The following OR9Q1 variants were observed in gnomAD, a reference collection of about 807,000 sequenced individuals.
OR9Q1 encodes olfactory receptor family 9 subfamily Q member 1.
For synonymous variants in OR9Q1, 153 were observed against 148.6 expected (o/e 1.03, Z -0.22); for missense variants, 374 against 378.8 (o/e 0.99, Z 0.11).
intron 2 of OR9Q1, among the ~76,000 whole-genome samples, chr11:58,082,760 ATAATAATAAT>A (rs1186114071): frequency 1.5e-5 from 2 of 130,790 alleles, no homozygotes; most frequent in Admixed American, 7.5e-5. Flanking sequence ...AATAATAATA[ATAATAATAAT>A]AAAAAGTTAG....
chr11:58,038,786 T>C (rs1199128686), intron 1 of OR9Q1, among the ~76,000 whole-genome samples: 1 of 152,220 alleles, frequency 6.6e-6, no homozygotes, highest in East Asian at 1.9e-4. Context: ...ATGTTTTTCT[T>C]GTCCCTTGTA....
intron 2 of OR9Q1, among the ~76,000 whole-genome samples, chr11:58,148,301 G>A (rs1590615860): frequency 6.6e-6 from 1 of 151,306 alleles, no homozygotes. Context: ...GCCTTTGGCA[G>A]AAGTGTGTAT....
At chr11:58,032,470 G>A (rs567412062) in intron 1 of OR9Q1, among the ~76,000 whole-genome samples, 26 of 152,242 alleles carry the variant, frequency 1.7e-4, no homozygotes, top group African/African-American at 6.3e-4. Flanking sequence ...ACTGTACATT[G>A]CTACCAACTG....
At chr11:58,082,741 TATAATAATA>T (rs200062407) in intron 2 of OR9Q1, among the ~76,000 whole-genome samples, 27 of 125,498 alleles carry the variant, frequency 2.2e-4, no homozygotes, top group Non-Finnish European at 3.2e-4. Context: ...AAACTTAAAG[TATAATAATA>T]ATAATAATAA....
chr11:58,106,579 A>G (rs1246398420), intron 2 of OR9Q1, among the ~76,000 whole-genome samples: 2 of 152,106 alleles, frequency 1.3e-5, no homozygotes, highest in Admixed American at 6.6e-5. Context: ...GGCAAGACCA[A>G]TGTCATGAAG....
chr11:58,120,028 G>A (rs116192459), intron 2 of OR9Q1, among the ~76,000 whole-genome samples: 473 of 152,060 alleles, frequency 3.1e-3, no homozygotes, highest in African/African-American at 5.8e-3. Context: ...TATATTTTCC[G>A]TCTTACTATA....
rs761713656 is a variant in OR9Q1, at chr11:58,180,371, G to T, written c.927G>T (p.Leu309Phe). Residue 309 changes from leucine (L) to phenylalanine (F), a missense_variant, in exon 3 of 3, where the codon TTG becomes TTT. Physicochemically the swap from Leu to Phe is conservative, Grantham distance 22. Transcript: ENST00000335397. The stretch of plus-strand genomic sequence containing the variant: ...GAAAAATTCTCAATAGAGCCAAGTT[G>T]TCCTAACCATCTCCAAACTTGGAAA... ...ALRKILNRAK[L>F]S is the part of the protein sequence containing the mutation. 2.6e-6 allele frequency: 4 copies of T among 1,563,868 alleles called. No individual in the cohort carries two copies. Among genetic ancestry groups the T allele is most frequent in the Non-Finnish European group, 3.5e-6 (4 of 1,153,016 alleles).
chr11:58,164,845 C>G (rs977516662), intron 2 of OR9Q1, among the ~76,000 whole-genome samples: 1 of 152,114 alleles, frequency 6.6e-6, no homozygotes, highest in African/African-American at 2.4e-5. Flanking sequence ...TTGAACACAC[C>G]AGGCATGGTC....
At chr11:58,092,158 T>C (rs1340634643) in intron 2 of OR9Q1, among the ~76,000 whole-genome samples, 1 of 152,112 alleles carries the variant, frequency 6.6e-6, no homozygotes, top group Non-Finnish European at 1.5e-5. Flanking sequence ...AAGGTTAATA[T>C]TGTTATGTGT....
chr11:58,104,165 G>T (rs542584980), intron 2 of OR9Q1, among the ~76,000 whole-genome samples: 46 of 152,134 alleles, frequency 3.0e-4, no homozygotes, highest in African/African-American at 1.1e-3. Flanking sequence ...TTTACTATCT[G>T]AAGCCAAAAA....
chr11:58,056,913 G>C (rs146654909), intron 2 of OR9Q1, among the ~76,000 whole-genome samples: 3 of 151,658 alleles, frequency 2.0e-5, no homozygotes, highest in Non-Finnish European at 2.9e-5. Flanking sequence ...GAACTCTAAG[G>C]CTCCAAGAAG....
At chr11:58,073,659 A>G (rs945604348) in intron 2 of OR9Q1, 1 of 152,198 alleles carries the variant, frequency 6.6e-6, no homozygotes, top group African/African-American at 2.4e-5. Flanking sequence ...TTATACTTTA[A>G]GTTCTGGGAT....
intron 2 of OR9Q1, among the ~76,000 whole-genome samples, chr11:58,169,299 G>A (rs1255626823): frequency 6.6e-6 from 1 of 151,886 alleles, no homozygotes; most frequent in Non-Finnish European, 1.5e-5. Flanking sequence ...TTAGAATCTT[G>A]GTGAGCTCTT....
intron 1 of OR9Q1, among the ~76,000 whole-genome samples, chr11:58,043,001 C>G (rs1229670178): frequency 6.6e-6 from 1 of 152,086 alleles, no homozygotes. Flanking sequence ...GATTTTATAT[C>G]CTGAGACTTT....
At chr11:58,120,421 A>G (rs61902766) in intron 2 of OR9Q1, among the ~76,000 whole-genome samples, 26,215 of 152,026 alleles carry the variant, frequency 0.17, 2,403 homozygotes, top group Non-Finnish European at 0.21. Flanking sequence ...TAAGGAAAAG[A>G]AAATTTATTA....
chr11:58,118,657 C>A, intron 2 of OR9Q1: 1 of 1,613,956 alleles, frequency 6.2e-7, no homozygotes, highest in South Asian at 1.1e-5. Flanking sequence ...TTTGCCTGAG[C>A]CACTTTGCAG....
chr11:58,099,630 C>T (rs1014650340), intron 2 of OR9Q1, among the ~76,000 whole-genome samples: 1 of 152,108 alleles, frequency 6.6e-6, no homozygotes, highest in Non-Finnish European at 1.5e-5. Context: ...TTGCAAGTAG[C>T]ATATAGGTGG....
intron 1 of OR9Q1, among the ~76,000 whole-genome samples, chr11:58,045,936 C>T (rs1478939961): frequency 1.3e-5 from 2 of 152,214 alleles, no homozygotes; most frequent in Admixed American, 6.5e-5. Flanking sequence ...TGGCCCCTGC[C>T]CCACTGGATG....
intron 2 of OR9Q1, among the ~76,000 whole-genome samples, chr11:58,061,883 C>T (rs1853383790): frequency 6.6e-6 from 1 of 152,188 alleles, no homozygotes; most frequent in African/African-American, 2.4e-5. Context: ...CACACCCATT[C>T]AACAGATGCG....
Sources: allele counts gnomAD v4.1 joint callset (sites outside exome capture counted in the v4.1 genomes callset), GRCh38; gene constraint gnomAD v4.1.1; transcripts MANE v1.5; gene names NCBI Gene and HGNC (gene_info 2026-07-23, HGNC 2026-07-21).